COL8A2: variants seen among roughly 807,000 people sequenced by gnomAD.
The protein encoded by COL8A2 is collagen alpha-2(VIII) chain.
A neutral mutation model predicts 24.0 loss-of-function variants in COL8A2; 16 were observed. The ratio of observed to expected loss-of-function variants is 0.67; its 90% CI spans 0.45 to 1.01. The LOEUF (loss-of-function observed/expected upper bound fraction) is 1.01. Ranked by LOEUF, COL8A2 falls within the 50% of genes least tolerant of loss-of-function variation. The pLI is 0.00. For synonymous variants in COL8A2, 466 were observed against 424.5 expected (o/e 1.10, Z -1.20); for missense variants, 818 against 942.4 (o/e 0.87, Z 1.73).
Position 36,125,100 on chromosome 1 carries a change from G to C in COL8A2, c.-105C>G. The stretch of plus-strand genomic sequence containing the variant: ...GGCGCCGCTCCCGGCCCTCGAGGGC[G>C]GCCCGGGCGGCGAGGGCTCCGGGCA... On this transcript the variant is annotated 5_prime_UTR_variant, in exon 1 of 4. Transcript: ENST00000397799. The surrounding 1 kb of genome is among the most constrained non-coding windows in gnomAD (Gnocchi z 4.5). The C allele has an allele frequency of 2.1e-6, 2 of 974,318 alleles. No homozygotes were observed. The highest frequency in any genetic ancestry group is 2.4e-6 in the Non-Finnish European group (2 of 821,852). 60.4% of individuals were successfully genotyped at this position (974,318 alleles called of 1,614,324 possible).
At chr1:36,107,032 A>G (rs1643771573) in intron 2 of COL8A2, among the ~76,000 whole-genome samples, 1 of 152,172 alleles carries the variant, frequency 6.6e-6, no homozygotes, top group African/African-American at 2.4e-5. Flanking sequence ...TACGTGACTT[A>G]ATTCTGACAG....
At position 36,100,243 on chromosome 1, in the gene COL8A2, G is replaced by A; in HGVS notation, c.-1C>T. On this transcript the variant is annotated 5_prime_UTR_variant, in exon 3 of 4. Transcript: ENST00000397799. ...ACAGGGGTGTCAGAGTCCCCAGCATGGCGTCCGTGGACGTGCTGCAAAGAA... is the reference window on the plus strand; with the variant it reads ...ACAGGGGTGTCAGAGTCCCCAGCATAGCGTCCGTGGACGTGCTGCAAAGAA... 6.4e-7 allele frequency: 1 copy of A among 1,553,176 alleles called. No individual in the cohort carries two copies. The highest frequency in any genetic ancestry group is 8.7e-7 in the Non-Finnish European group (1 of 1,151,674).
rs531919357 is a variant in COL8A2, at chr1:36,099,597, G to C, written c.194-110C>G. The C allele has an allele frequency of 4.3e-4, 362 of 851,654 alleles. 1 individual carries two copies. Among genetic ancestry groups the C allele is most frequent in the Non-Finnish European group, 6.1e-4 (326 of 530,622 alleles). The allele number at this position is 851,654 out of a possible 1,614,324, so 52.8% of individuals were successfully genotyped here. A position where few individuals can be genotyped will look rare whatever the true frequency, so the allele number is the denominator to read the frequency against. ...GAGGTACACGGGAGAGGAAGAATGG[G>C]GCTGCCCCTTCCTGCTCTCATGGAA... On this transcript the variant is annotated intron_variant, in intron 3 of 3. Coordinates refer to ENST00000397799, the MANE Select transcript of COL8A2 (RefSeq NM_005202.4).
In COL8A2 at chr1:36,099,395, A is replaced by AGCCAGGGGG; in HGVS notation, c.277_285dup (p.Pro93_Gly95dup). 2 of 1,547,874 alleles carry AGCCAGGGGG rather than the reference A, an allele frequency of 1.3e-6. No individual in the cohort carries two copies. The highest frequency in any genetic ancestry group is 1.7e-6 in the Non-Finnish European group (2 of 1,150,256). ...TTTCCCATGCCTGGTTTTCCTGGGA[A>AGCCAGGGGG]GCCAGGGGGGCCAGGGGGACCCCGA... On this transcript the variant is annotated inframe_insertion, in exon 4 of 4. Transcript: ENST00000397799.
At chr1:36,114,160 T>C (rs1318567485) in intron 2 of COL8A2, among the ~76,000 whole-genome samples, 1 of 28,202 alleles carries the variant, frequency 3.5e-5, no homozygotes, top group Non-Finnish European at 6.9e-5. Context: ...CTACTAAAAA[T>C]ACAAAAAAAT....
intron 1 of COL8A2, among the ~76,000 whole-genome samples, chr1:36,119,726 A>C (rs1643896859): frequency 6.6e-6 from 1 of 152,174 alleles, no homozygotes; most frequent in African/African-American, 2.4e-5. Context: ...CAGAAAGGAG[A>C]ACTTCCGGGT....
At chr1:36,106,259 G>A (rs1643759132) in intron 2 of COL8A2, among the ~76,000 whole-genome samples, 2 of 149,192 alleles carry the variant, frequency 1.3e-5, no homozygotes, top group South Asian at 2.1e-4. Flanking sequence ...GAGAGACTCC[G>A]TCAAAAAAAA....
intron 2 of COL8A2, among the ~76,000 whole-genome samples, chr1:36,109,700 G>T (rs1245562060): frequency 6.6e-6 from 1 of 151,570 alleles, no homozygotes; most frequent in East Asian, 1.9e-4. Context: ...CTCCTGAATA[G>T]CTGGGACTAC....
intron 1 of COL8A2, among the ~76,000 whole-genome samples, chr1:36,117,706 G>T (rs1643886643): frequency 6.6e-6 from 1 of 151,998 alleles, no homozygotes; most frequent in African/African-American, 2.4e-5. Context: ...TAAGTAACTG[G>T]CCCAACATCA....
At chr1:36,105,952 A>G (rs1456655616) in intron 2 of COL8A2, among the ~76,000 whole-genome samples, 21 of 10,520 alleles carry the variant, frequency 2.0e-3, no homozygotes, top group Non-Finnish European at 0.011. Context: ...GTCTCACTTA[A>G]AAAAAAAAAA....
At chr1:36,099,594 T>C (rs1039444483) in intron 3 of COL8A2, 107 bp from the exon 4 acceptor site, 11 of 867,272 alleles carry the variant, frequency 1.3e-5, no homozygotes, top group African/African-American at 3.3e-5. Flanking sequence ...AGAGGAAGAA[T>C]GGGGCTGCCC....
chr1:36,102,674 T>TTG (rs1643696020), intron 2 of COL8A2, among the ~76,000 whole-genome samples: 4 of 134,476 alleles, frequency 3.0e-5, no homozygotes. Flanking sequence ...GTTTTTTGTT[T>TTG]TTTTTTTTTT....
chr1:36,116,151 G>T (rs1456352064), intron 1 of COL8A2, among the ~76,000 whole-genome samples: 1 of 151,484 alleles, frequency 6.6e-6, no homozygotes, highest in Non-Finnish European at 1.5e-5. Context: ...TGCCTGCCCC[G>T]GGCTTCTTAC....
chr1:36,105,954 A>AG (rs1163044773), intron 2 of COL8A2, among the ~76,000 whole-genome samples: 2 of 140,836 alleles, frequency 1.4e-5, no homozygotes, highest in African/African-American at 5.5e-5. Context: ...CTCACTTAAA[A>AG]AAAAAAAAAA....
At chr1:36,116,191 G>A (rs274133) in intron 1 of COL8A2, among the ~76,000 whole-genome samples, 125,522 of 151,966 alleles carry the variant, frequency 0.83, 52,175 homozygotes, top group Non-Finnish European at 0.88. Flanking sequence ...CCCGGCCCCA[G>A]TCTCAGTCTC....
intron 1 of COL8A2, among the ~76,000 whole-genome samples, chr1:36,117,562 T>C (rs1643885913): frequency 1.3e-5 from 2 of 152,228 alleles, no homozygotes; most frequent in African/African-American, 2.4e-5. Flanking sequence ...TAATATTCAT[T>C]GTGTACCCAC....
At position 36,099,320 on chromosome 1, in the gene COL8A2, G is replaced by T. The variant is rs201383455; in HGVS notation, c.361C>A (p.Arg121=). The T allele has an allele frequency of 8.9e-6, 14 of 1,581,526 alleles. No homozygotes were observed. The highest frequency in any genetic ancestry group is 1.2e-5 in the South Asian group (1 of 86,858). Residue 121 remains arginine (R), a synonymous_variant, in exon 4 of 4, where the codon CGG becomes AGG. Transcript: ENST00000397799. The part of the protein sequence containing the change: ...PGPAGPPGFS[R]MGKAGPPGLP... Reference sequence around the variant, plus strand: ...CCTGGGGGACCAGCCTTGCCCATCCGGGAGAAGCCAGGGGGCCCAGCAGGG... The same window carrying T: ...CCTGGGGGACCAGCCTTGCCCATCCTGGAGAAGCCAGGGGGCCCAGCAGGG...
intron 2 of COL8A2, among the ~76,000 whole-genome samples, chr1:36,102,362 G>A (rs1171350518): frequency 6.6e-6 from 1 of 152,144 alleles, no homozygotes; most frequent in Non-Finnish European, 1.5e-5. Context: ...GAGATGGGAA[G>A]TGACGACTAA....
Position 36,099,168 on chromosome 1 carries a change from G to T in COL8A2, c.513C>A (p.Ile171=). ...CCCCTTGGGCACCTGGTTTTCCAGGGATAGTAATGCCTGAGGGGCCCGGGA... is the reference window on the plus strand; with the variant it reads ...CCCCTTGGGCACCTGGTTTTCCAGGTATAGTAATGCCTGAGGGGCCCGGGA... ...PGLPGPSGIT[I]PGKPGAQGVP... Residue 171 remains isoleucine (I), a synonymous_variant, in exon 4 of 4, where the codon ATC becomes ATA. Coordinates refer to ENST00000397799, the MANE Select transcript of COL8A2 (RefSeq NM_005202.4). 1 of 1,499,268 alleles carries T rather than the reference G, an allele frequency of 6.7e-7. No individual in the cohort carries two copies. The allele number at this position is 1,499,268 out of a possible 1,614,324, so 92.9% of individuals were successfully genotyped here.
Sources: gnomAD v4.1 joint callset for allele counts (sites outside exome capture counted in the v4.1 genomes callset) on GRCh38, gnomAD v4.1.1 for gene constraint, Gnocchi (gnomAD v3.1) non-coding constraint, MANE v1.5 for transcripts, NCBI Gene and HGNC (gene_info 2026-07-23, HGNC 2026-07-21) for gene names.